The following CCSER1 variants were observed in gnomAD, a reference collection of about 807,000 sequenced individuals.
CCSER1 encodes the protein coiled-coil serine rich protein 1.
CCSER1 carries 41 observed loss-of-function variants against 82.0 expected under a neutral mutation model. The ratio of observed to expected loss-of-function variants is 0.50; its 90% CI spans 0.39 to 0.65. The LOEUF is 0.65. Among genes scored for constraint, CCSER1 ranks in the 30% least tolerant of loss-of-function variants. CCSER1 has a pLI of 0.00. For missense variants in CCSER1, 1,119 were observed against 1,064.2 expected (o/e 1.05, Z -0.72); for synonymous variants, 414 against 383.9 (o/e 1.08, Z -0.92).
chr4:90,325,905 T>C (rs985678266), intron 3 of CCSER1, among the ~76,000 whole-genome samples: 4 of 152,074 alleles, frequency 2.6e-5, no homozygotes, highest in African/African-American at 7.2e-5. Context: ...TATAGAAATA[T>C]CTAAATATAT....
intron 10 of CCSER1, among the ~76,000 whole-genome samples, chr4:91,246,974 T>G (rs769221209): frequency 2.0e-5 from 3 of 152,142 alleles, no homozygotes; most frequent in Non-Finnish European, 2.9e-5. Context: ...CAAAACCTGA[T>G]AGTACAATAG....
At chr4:90,670,504 A>G (rs1732598127) in intron 6 of CCSER1, among the ~76,000 whole-genome samples, 1 of 152,016 alleles carries the variant, frequency 6.6e-6, no homozygotes, top group Non-Finnish European at 1.5e-5. Flanking sequence ...ACCTCCATGT[A>G]TTCTTTATCG....
At chr4:90,710,843 C>T (rs1319997880) in intron 6 of CCSER1, among the ~76,000 whole-genome samples, 1 of 151,790 alleles carries the variant, frequency 6.6e-6, no homozygotes, top group African/African-American at 2.4e-5. Context: ...GAATTATAAA[C>T]TGTTTTTTTC....
At chr4:90,235,592 A>C (rs978684406) in intron 1 of CCSER1, among the ~76,000 whole-genome samples, 3 of 152,296 alleles carry the variant, frequency 2.0e-5, no homozygotes, top group East Asian at 1.9e-4. Context: ...GAAACATATA[A>C]ATTTATACTT....
chr4:91,211,285 G>C (rs929339697), intron 10 of CCSER1, among the ~76,000 whole-genome samples: 2 of 152,048 alleles, frequency 1.3e-5, no homozygotes, highest in Non-Finnish European at 2.9e-5. Context: ...TTGGATTTGA[G>C]TTATATTTTG....
intron 7 of CCSER1, chr4:90,781,468 A>G: frequency 1.0e-6 from 1 of 985,236 alleles, no homozygotes; most frequent in Non-Finnish European, 1.2e-6. Context: ...GAAATGATGG[A>G]CATAAAGCCC....
intron 3 of CCSER1, among the ~76,000 whole-genome samples, chr4:90,395,596 C>T (rs150747537): frequency 0.01 from 1,541 of 151,074 alleles, 17 homozygotes; most frequent in South Asian, 0.031. Context: ...TTCAAACCCA[C>T]CATACTGGCC....
chr4:90,307,099 T>G (rs1010607267), intron 1 of CCSER1, among the ~76,000 whole-genome samples: 1 of 152,198 alleles, frequency 6.6e-6, no homozygotes, highest in African/African-American at 2.4e-5. Flanking sequence ...GTTGCTTTTC[T>G]GTTGTAAAAT....
chr4:91,020,271 GA>G (rs1452905411), intron 9 of CCSER1, among the ~76,000 whole-genome samples: 13 of 152,316 alleles, frequency 8.5e-5, no homozygotes, highest in African/African-American at 3.1e-4. Context: ...CCCTTGCAAA[GA>G]TATGTACACT....
At chr4:91,597,068 G>A (rs370164167) in intron 10 of CCSER1, among the ~76,000 whole-genome samples, 4 of 151,958 alleles carry the variant, frequency 2.6e-5, no homozygotes, top group South Asian at 4.1e-4. Flanking sequence ...TTTTCTGCAC[G>A]TAATTAATTT....
chr4:91,338,356 T>C (rs1016247880), intron 10 of CCSER1, among the ~76,000 whole-genome samples: 2 of 152,144 alleles, frequency 1.3e-5, no homozygotes, highest in Non-Finnish European at 2.9e-5. Context: ...CTATTTCAGA[T>C]TCTTAAGGCA....
At chr4:90,387,380 A>G (rs1750223530) in intron 3 of CCSER1, among the ~76,000 whole-genome samples, 1 of 152,208 alleles carries the variant, frequency 6.6e-6, no homozygotes, top group Admixed American at 6.5e-5. Context: ...GCCTATGGAA[A>G]CATAGTGTAT....
chr4:90,221,778 A>T (rs1742205296), intron 1 of CCSER1, among the ~76,000 whole-genome samples: 2 of 152,154 alleles, frequency 1.3e-5, no homozygotes, highest in Admixed American at 6.6e-5. Flanking sequence ...AGATGCCTTG[A>T]CTATTTGAAC....
intron 9 of CCSER1, among the ~76,000 whole-genome samples, chr4:91,039,785 T>C (rs529819274): frequency 2.6e-5 from 4 of 151,586 alleles, no homozygotes; most frequent in Non-Finnish European, 5.9e-5. Context: ...GTGATATATA[T>C]ACACACACAC....
chr4:90,388,967 G>A (rs1750533588), intron 3 of CCSER1, among the ~76,000 whole-genome samples: 1 of 152,154 alleles, frequency 6.6e-6, no homozygotes, highest in Admixed American at 6.5e-5. Context: ...AAATTAGTAA[G>A]ATGTTTATCT....
intron 10 of CCSER1, among the ~76,000 whole-genome samples, chr4:91,400,387 A>G (rs964746482): frequency 1.3e-5 from 2 of 151,730 alleles, no homozygotes; most frequent in Admixed American, 6.6e-5. Flanking sequence ...ATTTCTTTAC[A>G]TAAGTATCTT....
At chr4:90,584,640 A>C (rs1216158686) in intron 5 of CCSER1, among the ~76,000 whole-genome samples, 1 of 152,196 alleles carries the variant, frequency 6.6e-6, no homozygotes, top group East Asian at 1.9e-4. Context: ...TAGAAGACTA[A>C]TACGCTTCCT....
intron 1 of CCSER1, among the ~76,000 whole-genome samples, chr4:90,257,596 GA>G (rs1316758530): frequency 1.3e-5 from 2 of 149,956 alleles, no homozygotes; most frequent in Non-Finnish European, 2.9e-5. Flanking sequence ...TACTTAGATA[GA>G]TAAAGAAGGA....
intron 10 of CCSER1, among the ~76,000 whole-genome samples, chr4:91,563,090 T>A (rs1762726454): frequency 6.6e-6 from 1 of 151,668 alleles, no homozygotes; most frequent in Non-Finnish European, 1.5e-5. Context: ...GCTTTATTTT[T>A]AAGTTCTACC....
Sources: gnomAD v4.1 joint callset for allele counts (sites outside exome capture counted in the v4.1 genomes callset) on GRCh38, gnomAD v4.1.1 for gene constraint, MANE v1.5 for transcripts, NCBI Gene and HGNC (gene_info 2026-07-23, HGNC 2026-07-21) for gene names.